CIT: variants seen among roughly 807,000 people sequenced by gnomAD.
CIT encodes the protein citron Rho-interacting kinase.
A neutral mutation model predicts 272.7 loss-of-function variants in CIT; 79 were observed. The ratio of observed to expected loss-of-function variants is 0.29; its 90% confidence interval spans 0.24 to 0.35. The LOEUF (loss-of-function observed/expected upper bound fraction) is 0.35. Ranked by LOEUF, CIT falls within the 10% of genes least tolerant of loss-of-function variation. The probability of loss-of-function intolerance (pLI) is 1.00; values close to 1 mark genes in which losing one functional copy is unlikely to be tolerated. For synonymous variants in CIT, 948 were observed against 995.6 expected, an observed-to-expected ratio of 0.95 and a Z score of 0.90; for missense variants, 1,909 against 2,618.3, an observed-to-expected ratio of 0.73 and a Z score of 5.91.
intron 30 of CIT, 132 bp downstream of exon 30, chr12:119,720,346 A>G: frequency 1.5e-6 from 1 of 657,138 alleles, no homozygotes; most frequent in Non-Finnish European, 2.6e-6. Flanking sequence ...TTTTCAACCC[A>G]AAATAAAACA....
At chr12:119,794,386 A>G (rs1037271928) in intron 10 of CIT, among the ~76,000 whole-genome samples, 1 of 152,244 alleles carries the variant, frequency 6.6e-6, no homozygotes, top group African/African-American at 2.4e-5. Context: ...CAAAATGAGA[A>G]GTGTGCTGCA....
intron 13 of CIT, among the ~76,000 whole-genome samples, chr12:119,781,274 T>C (rs916423814): frequency 1.4e-4 from 21 of 152,246 alleles, no homozygotes; most frequent in African/African-American, 4.8e-4. Context: ...ATTTATAATG[T>C]TTTTATCAAG....
chr12:119,789,032 C>T (rs904132988), intron 10 of CIT, among the ~76,000 whole-genome samples: 2 of 152,104 alleles, frequency 1.3e-5, no homozygotes, highest in Non-Finnish European at 2.9e-5. Flanking sequence ...TATCAGGCTT[C>T]CTACACCTTC....
intron 3 of CIT, among the ~76,000 whole-genome samples, chr12:119,861,361 G>A (rs184327378): frequency 1.5e-4 from 23 of 152,164 alleles, no homozygotes; most frequent in Admixed American, 9.8e-4. Flanking sequence ...TGAAGCGGGT[G>A]GATCACCTGA....
chr12:119,826,518 C>T (rs1968173302), intron 7 of CIT, among the ~76,000 whole-genome samples: 1 of 152,166 alleles, frequency 6.6e-6, no homozygotes, highest in Non-Finnish European at 1.5e-5. Context: ...CCACCCCTGT[C>T]TAGGCAGCCT....
intron 9 of CIT, among the ~76,000 whole-genome samples, chr12:119,809,600 T>C (rs1330121746): frequency 6.6e-6 from 1 of 152,204 alleles, no homozygotes; most frequent in Non-Finnish European, 1.5e-5. Context: ...CCTCCTTTCA[T>C]CTGCTCAAGG....
intron 4 of CIT, among the ~76,000 whole-genome samples, chr12:119,853,559 G>A (rs900878830): frequency 3.3e-5 from 5 of 152,040 alleles, no homozygotes; most frequent in African/African-American, 7.2e-5. Flanking sequence ...GATTACAGGC[G>A]TGAGCAAAGT....
At chr12:119,756,849 C>T (rs1455610439) in intron 22 of CIT, among the ~76,000 whole-genome samples, 1 of 152,118 alleles carries the variant, frequency 6.6e-6, no homozygotes, top group Non-Finnish European at 1.5e-5. Context: ...CACAAATTGG[C>T]CAGGCATGGT....
intron 9 of CIT, among the ~76,000 whole-genome samples, chr12:119,815,348 A>T (rs551597976): frequency 6.6e-6 from 1 of 152,120 alleles, no homozygotes; most frequent in Non-Finnish European, 1.5e-5. Flanking sequence ...CCATGCTTAA[A>T]TGAATGAAGT....
intron 19 of CIT, among the ~76,000 whole-genome samples, 173 bp from the exon 20 acceptor site, chr12:119,761,228 G>A (rs1048735987): frequency 6.6e-6 from 1 of 152,132 alleles, no homozygotes; most frequent in Admixed American, 6.5e-5. Context: ...TTATCAATCA[G>A]GATAAGATTG....
intron 10 of CIT, among the ~76,000 whole-genome samples, chr12:119,799,921 C>A (rs75129442): frequency 2.7e-5 from 4 of 150,710 alleles, no homozygotes; most frequent in Non-Finnish European, 5.9e-5. Flanking sequence ...TCCCATGTGG[C>A]CCAAGGAAGC....
intron 13 of CIT, 139 bp from the exon 14 acceptor site, chr12:119,776,981 G>C (rs1669376854): frequency 1.1e-6 from 1 of 921,132 alleles, no homozygotes; most frequent in African/African-American, 1.7e-5. Flanking sequence ...CTGGCCAGGT[G>C]CAGTGGCTCA....
Position 119,718,099 on chromosome 12 carries a change from C to G in CIT, c.4168+146G>C. 1.1e-6 allele frequency: 1 copy of G among 922,032 alleles called. No homozygotes were observed. 57.1% of individuals were successfully genotyped at this position (922,032 alleles called of 1,614,324 possible). ...AGGTGATCCGCCCACCTCGGCCTCC[C>G]AAAGTGCTGGGGTTACAGGTGTGAG... On this transcript the variant is annotated intron_variant, in intron 32 of 47. Coordinates refer to ENST00000392521, the MANE Select transcript of CIT (RefSeq NM_001206999.2). The surrounding 1 kb of genome is among the most constrained non-coding windows in gnomAD (Gnocchi z 4.8).
At chr12:119,732,729 C>T (rs1431113792) in intron 26 of CIT, among the ~76,000 whole-genome samples, 2 of 152,150 alleles carry the variant, frequency 1.3e-5, no homozygotes, top group Non-Finnish European at 2.9e-5. Context: ...GATAGATACC[C>T]AAGTGAGTGT....
chr12:119,745,389 A>AAAAAAAAAAC (rs1959220561), intron 23 of CIT, among the ~76,000 whole-genome samples: 1 of 144,302 alleles, frequency 6.9e-6, no homozygotes, highest in Non-Finnish European at 1.5e-5. Flanking sequence ...AAAAAAAAAA[A>AAAAAAAAAAC]AAAAAAAAAC....
intron 24 of CIT, among the ~76,000 whole-genome samples, chr12:119,739,013 C>A (rs1412317536): frequency 6.6e-6 from 1 of 152,006 alleles, no homozygotes; most frequent in African/African-American, 2.4e-5. Flanking sequence ...TCACACCTAA[C>A]TGGAAGACCA....
rs1283439600 is a variant in CIT, at chr12:119,850,190, T to C, written c.500A>G (p.Lys167Arg). The change falls in exon 5 of 48, where the codon AAA (lysine) becomes AGA (arginine). Residue 167 changes from lysine to arginine, a missense_variant. By Grantham distance (26) the Lys-to-Arg change is conservative. Around this residue, in one of 8 missense-constraint regions of CIT, gnomAD observed 529 missense variants for 549.6 expected, o/e 0.96. Coordinates refer to ENST00000392521, the MANE Select transcript of CIT (RefSeq NM_001206999.2). ...IPQLQYAFQD[K>R]NHLYLVMEYQ... is the part of the protein sequence containing the mutation. Reference sequence around the variant, plus strand: ...AAGACTCACCAGATAAAGGTGATTTTTGTCCTGAAAGGCATACTGTAATTG... The same window carrying C: ...AAGACTCACCAGATAAAGGTGATTTCTGTCCTGAAAGGCATACTGTAATTG... The C allele has an allele frequency of 6.2e-7, 1 of 1,607,276 alleles. No individual in the cohort carries two copies.
chr12:119,689,928 C>G lies in CIT; in HGVS notation c.6186+223G>C, dbSNP rs537447834. On this transcript the variant is annotated intron_variant, in intron 47 of 47. Transcript: ENST00000392521. ...TTTCCTGACCTCGTGATCCACCCGC[C>G]TCGGCCTCCCAAAGTGCTGGGATTG... Among the ~76,000 whole-genome samples, 6 of 152,282 alleles carry G rather than the reference C, an allele frequency of 3.9e-5. No individual in the cohort carries two copies. In the South Asian group the frequency reaches 1.0e-3, roughly 26 times the overall value.
Position 119,770,868 on chromosome 12 carries a change from T to C in CIT, c.2125A>G (p.Thr709Ala). ...AGTCTGTTTTCTCTACGCTCCATGG[T>C]CTCTAGTCTCTTTACCTTGTTCTCC... ...SLENKVKRLETMERRENRLKD... is the reference protein window; with the variant it reads ...SLENKVKRLEAMERRENRLKD... Residue 709 changes from threonine to alanine, a missense_variant, in exon 18 of 48, where the codon ACC becomes GCC. Physicochemically the swap from Thr to Ala is moderately conservative, Grantham distance 58. Around this residue, in one of 8 missense-constraint regions of CIT, gnomAD observed 530 missense variants for 822.4 expected, o/e 0.64. Coordinates refer to ENST00000392521, the MANE Select transcript of CIT (RefSeq NM_001206999.2). The surrounding 1 kb of genome is among the most constrained non-coding windows in gnomAD (Gnocchi z 4.4). 1 of 1,612,876 alleles carries C rather than the reference T, an allele frequency of 6.2e-7. No individual in the cohort carries two copies. Among genetic ancestry groups the C allele is most frequent in the Non-Finnish European group, 8.5e-7 (1 of 1,179,876 alleles).
Sources: gnomAD v4.1 joint callset for allele counts (sites outside exome capture counted in the v4.1 genomes callset) on GRCh38, gnomAD v4.1.1 for gene constraint, gnomAD v4.1.1 regional missense constraint, Gnocchi (gnomAD v3.1) non-coding constraint, MANE v1.5 for transcripts, NCBI Gene and HGNC (gene_info 2026-07-23, HGNC 2026-07-21) for gene names.